Variants in VDAC1 observed in about 807,000 individuals in gnomAD.
The protein encoded by VDAC1 is non-selective voltage-gated ion channel VDAC1.
VDAC1 carries 10 observed loss-of-function variants against 34.7 expected under a neutral mutation model. The observed-to-expected ratio is 0.29, with a 90% CI of 0.18 to 0.49. The LOEUF is 0.49. VDAC1 is among the 20% of genes least tolerant of loss of function. The probability of loss-of-function intolerance (pLI) is 0.99; values close to 1 mark genes in which losing one functional copy is unlikely to be tolerated. For missense variants in VDAC1, 230 were observed against 347.9 expected (o/e 0.66, Z 2.69); for synonymous variants, 130 against 136.0 (o/e 0.96, Z 0.30).
At chr5:134,055,802 G>T in the VDAC1 span, among the ~76,000 whole-genome samples, 3 of 151,520 alleles carry the variant, frequency 2.0e-5, no homozygotes, top group African/African-American at 7.3e-5. Context: ...ATTAAAAAGT[G>T]AAAGTCTCCC....
chr5:134,081,284 G>A, the VDAC1 span, among the ~76,000 whole-genome samples: 4 of 152,072 alleles, frequency 2.6e-5, no homozygotes, highest in South Asian at 2.1e-4. Context: ...TGATCTGCCC[G>A]CCTCGGCCTC....
At chr5:134,056,503 G>A in the VDAC1 span, among the ~76,000 whole-genome samples, 631 of 147,118 alleles carry the variant, frequency 4.3e-3, 6 homozygotes, top group African/African-American at 0.015. Flanking sequence ...ACAGTGGTGC[G>A]ATCATGGCTC....
the VDAC1 span, among the ~76,000 whole-genome samples, chr5:134,036,658 T>TA: frequency 8.0e-6 from 1 of 124,360 alleles, no homozygotes; most frequent in African/African-American, 2.7e-5. Flanking sequence ...ACTGTCTTTT[T>TA]TAAAAAAAAA....
the VDAC1 span, among the ~76,000 whole-genome samples, chr5:134,052,672 G>A: frequency 6.6e-6 from 1 of 152,162 alleles, no homozygotes; most frequent in African/African-American, 2.4e-5. Flanking sequence ...AGGTTAAAAG[G>A]AAAGATGCTT....
At chr5:133,995,775 C>A (rs17517610) in intron 1 of VDAC1, among the ~76,000 whole-genome samples, 36,896 of 152,104 alleles carry the variant, frequency 0.24, 4,830 homozygotes, top group Admixed American at 0.29. Context: ...GCTCTCGAAC[C>A]CATTTCAGAG....
the VDAC1 span, among the ~76,000 whole-genome samples, chr5:134,050,025 C>A: frequency 9.9e-5 from 15 of 152,064 alleles, no homozygotes; most frequent in Non-Finnish European, 2.1e-4. Flanking sequence ...CTGAGGACGG[C>A]GGATCATGAG....
At chr5:134,091,928 G>A in the VDAC1 span, among the ~76,000 whole-genome samples, 1 of 152,240 alleles carries the variant, frequency 6.6e-6, no homozygotes, top group Non-Finnish European at 1.5e-5. Context: ...CTGGGTGTGT[G>A]CTTGGTAAGT....
chr5:133,994,478 C>T (rs748599368), intron 1 of VDAC1, among the ~76,000 whole-genome samples: 13 of 152,134 alleles, frequency 8.5e-5, no homozygotes, highest in Non-Finnish European at 1.8e-4. Context: ...ACATTAGTAT[C>T]AGGGTAGAGA....
chr5:133,973,596 T>C (rs1752377376), intron 8 of VDAC1, among the ~76,000 whole-genome samples, 195 bp downstream of exon 8: 2 of 152,354 alleles, frequency 1.3e-5, no homozygotes, highest in South Asian at 4.1e-4. Flanking sequence ...TCCTGCTTGC[T>C]ACATCTCATA....
chr5:133,992,359 A>C lies in VDAC1; in HGVS notation c.68-4T>G, dbSNP rs1302247326. ...TCAAGCTTTATTAAGCCAAATCCTA[A>C]AGAAAGAAGAAGACAACTGTCAATA... On this transcript the variant is annotated splice_polypyrimidine_tract_variant and splice_region_variant and intron_variant, in intron 2 of 8. Transcript: ENST00000265333. The C allele has an allele frequency of 6.4e-7, 1 of 1,569,764 alleles. No homozygotes were observed. The highest frequency in any genetic ancestry group is 1.9e-5 in the Admixed American group (1 of 52,592).
chr5:133,992,891 A>C, intron 2 of VDAC1, 55 bp downstream of exon 2: 1 of 1,565,016 alleles, frequency 6.4e-7, no homozygotes, highest in African/African-American at 1.4e-5. Context: ...GTAAAGTCTC[A>C]AACATGCCAA....
At chr5:134,018,252 G>C in the VDAC1 span, among the ~76,000 whole-genome samples, 1 of 152,176 alleles carries the variant, frequency 6.6e-6, no homozygotes, top group Non-Finnish European at 1.5e-5. Flanking sequence ...GCAGGAGCAA[G>C]GGAGAGAAGG....
chr5:134,006,748 CAA>C (rs36125439), upstream of VDAC1, among the ~76,000 whole-genome samples: 448 of 80,182 alleles, frequency 5.6e-3, 12 homozygotes, highest in African/African-American at 0.014. Context: ...CCCCCCCCCC[CAA>C]AAAAAAAAAA....
At chr5:133,976,179 A>G (rs1030274770) in intron 6 of VDAC1, 158 bp from the exon 7 acceptor site, 7 of 824,278 alleles carry the variant, frequency 8.5e-6, no homozygotes, top group Admixed American at 5.3e-5. Flanking sequence ...TTCACAAAAC[A>G]GGTACTAAAT....
At chr5:134,044,662 TGC>T in the VDAC1 span, among the ~76,000 whole-genome samples, 42 of 151,930 alleles carry the variant, frequency 2.8e-4, no homozygotes, top group African/African-American at 8.2e-4. Flanking sequence ...TGTGTGTGTG[TGC>T]GCGCGCGCAC....
At chr5:134,005,874 G>A (rs887549097), upstream of VDAC1, among the ~76,000 whole-genome samples, 1 of 152,184 alleles carries the variant, frequency 6.6e-6, no homozygotes, top group African/African-American at 2.4e-5. Flanking sequence ...GGCTTGAGGC[G>A]TCTAGGGCCC....
chr5:133,973,835 T>G lies in VDAC1; in HGVS notation c.716A>C (p.Asn239Thr). ...GTATCCTAAACCTATCAGGCTGGAG[T>G]TGTTCACTTTAGCCTAATCAAGGAA... ...PDACFSAKVN[N>T]SSLIGLGYTQ... is the part of the protein sequence containing the mutation. The change falls in exon 8 of 9, where the codon AAC becomes ACC. Residue 239 changes from asparagine to threonine, a missense_variant. Physicochemically the swap from Asn to Thr is moderately conservative, Grantham distance 65 (BLOSUM62 0). Transcript: ENST00000265333. 6.2e-7 allele frequency: 1 copy of G among 1,613,000 alleles called. No homozygotes were observed.
the VDAC1 span, among the ~76,000 whole-genome samples, chr5:134,011,283 G>A: frequency 6.6e-6 from 1 of 152,076 alleles, no homozygotes; most frequent in Non-Finnish European, 1.5e-5. Flanking sequence ...ACAGGTGTGA[G>A]CCACTGCGCC....
At chr5:134,066,997 A>T in the VDAC1 span, among the ~76,000 whole-genome samples, 1 of 151,630 alleles carries the variant, frequency 6.6e-6, no homozygotes, top group Non-Finnish European at 1.5e-5. Context: ...CTGCCATTCT[A>T]GTTTGTATTT....
Sources: gnomAD v4.1 joint callset for allele counts (sites outside exome capture counted in the v4.1 genomes callset) on GRCh38, gnomAD v4.1.1 for gene constraint, MANE v1.5 for transcripts, NCBI Gene and HGNC (gene_info 2026-07-23, HGNC 2026-07-21) for gene names.